The following ADARB2 variants were observed in gnomAD, a reference collection of about 807,000 sequenced individuals.
The protein encoded by ADARB2 is inactive double-stranded RNA-specific editase B2.
Under a neutral mutation model 62.2 loss-of-function variants are expected in ADARB2, and 25 were observed. The ratio of observed to expected loss-of-function variants is 0.40; its 90% confidence interval spans 0.29 to 0.56. The LOEUF (loss-of-function observed/expected upper bound fraction) is 0.56, where lower values mean the gene tolerates loss of function less well. ADARB2 is among the 20% of genes least tolerant of loss of function. The pLI, the probability that ADARB2 is intolerant of heterozygous loss-of-function variation, is 0.43. For synonymous variants in ADARB2, 572 were observed against 500.8 expected, an observed-to-expected ratio of 1.14 and a Z score of -1.90; for missense variants, 1,071 against 1,077.4, an observed-to-expected ratio of 0.99 and a Z score of 0.08.
At chr10:1,437,966 C>T (rs1248137751) in intron 1 of ADARB2, among the ~76,000 whole-genome samples, 6 of 152,232 alleles carry the variant, frequency 3.9e-5, no homozygotes, top group Admixed American at 3.3e-4. Flanking sequence ...AACATTATGC[C>T]AGCTGGCATG....
intron 1 of ADARB2, among the ~76,000 whole-genome samples, chr10:1,611,266 C>T (rs1384254804): frequency 1.3e-5 from 2 of 152,194 alleles, no homozygotes; most frequent in East Asian, 3.9e-4. Context: ...TTCTCCTGGA[C>T]CTTCAGTGTG....
At chr10:1,564,976 G>A (rs549466779) in intron 1 of ADARB2, among the ~76,000 whole-genome samples, 53 of 152,300 alleles carry the variant, frequency 3.5e-4, no homozygotes, top group African/African-American at 1.2e-3. Context: ...GGCCTCGGCC[G>A]TAGACCTGCA....
Position 1,656,531 on chromosome 10 carries a change from G to GGAGA in ADARB2, c.100+80516_100+80519dup, listed in dbSNP as rs35967442. Among the ~76,000 whole-genome samples, 171 of 150,282 alleles carry GGAGA rather than the reference G, an allele frequency of 1.1e-3. 1 individual carries two copies. Among genetic ancestry groups the GGAGA allele is most frequent in the Middle Eastern group, 7.0e-3 (2 of 286 alleles). On this transcript the variant is annotated intron_variant, in intron 1 of 9. Coordinates refer to ENST00000381312, the MANE Select transcript of ADARB2 (RefSeq NM_018702.4). ...GAGAGAGAGGGAAAGAGAGAAAAAG[G>GGAGA]GAGAGAGAGAGAGAGAGAGCTGCTA...
intron 1 of ADARB2, among the ~76,000 whole-genome samples, chr10:1,621,641 C>T (rs1254005483): frequency 6.6e-6 from 1 of 152,006 alleles, no homozygotes; most frequent in African/African-American, 2.4e-5. Context: ...TTAACAGCAA[C>T]AACAACAACA....
intron 1 of ADARB2, among the ~76,000 whole-genome samples, chr10:1,691,062 T>C (rs1383079450): frequency 6.6e-6 from 1 of 152,182 alleles, no homozygotes; most frequent in Non-Finnish European, 1.5e-5. Flanking sequence ...GCTGAATCCC[T>C]AATCCCCAGG....
At chr10:1,279,961 G>A (rs1225576160) in intron 3 of ADARB2, among the ~76,000 whole-genome samples, 1 of 152,188 alleles carries the variant, frequency 6.6e-6, no homozygotes, top group African/African-American at 2.4e-5. Context: ...GCTGGAATGA[G>A]CTAAGACTTC....
intron 6 of ADARB2, among the ~76,000 whole-genome samples, chr10:1,227,906 G>A (rs1469707096): frequency 3.3e-5 from 5 of 152,216 alleles, no homozygotes; most frequent in African/African-American, 7.2e-5. Flanking sequence ...ATGTGTCCAC[G>A]TGGGTGCACT....
At chr10:1,602,274 G>T (rs1018523726) in intron 1 of ADARB2, among the ~76,000 whole-genome samples, 2 of 152,260 alleles carry the variant, frequency 1.3e-5, no homozygotes, top group South Asian at 4.1e-4. Context: ...GCTTCCCGAG[G>T]TTCCTTCTGT....
intron 1 of ADARB2, among the ~76,000 whole-genome samples, chr10:1,667,538 GGCAATTTTTCCATCTCC>G (rs1834329467): frequency 1.3e-5 from 2 of 152,176 alleles, no homozygotes; most frequent in Non-Finnish European, 2.9e-5. Context: ...ATGTGGACTA[GGCAATTTTTCCATCTCC>G]AGTGGAACTG....
intron 1 of ADARB2, among the ~76,000 whole-genome samples, chr10:1,503,466 G>A (rs932063067): frequency 1.3e-5 from 2 of 151,956 alleles, no homozygotes; most frequent in Non-Finnish European, 2.9e-5. Flanking sequence ...TCACAGGGAA[G>A]CACAAAAGCA....
intron 1 of ADARB2, among the ~76,000 whole-genome samples, chr10:1,572,727 AGAG>A (rs1832957770): frequency 6.6e-6 from 1 of 152,214 alleles, no homozygotes; most frequent in Non-Finnish European, 1.5e-5. Flanking sequence ...AGGGCAGTGA[AGAG>A]GAGGTCACTG....
intron 1 of ADARB2, among the ~76,000 whole-genome samples, chr10:1,643,449 C>T (rs1168263103): frequency 1.3e-5 from 2 of 152,218 alleles, no homozygotes; most frequent in Non-Finnish European, 2.9e-5. Flanking sequence ...AGAGGCCACT[C>T]TTAGGTCAGG....
At chr10:1,658,418 C>G (rs191017025) in intron 1 of ADARB2, among the ~76,000 whole-genome samples, 15 of 152,104 alleles carry the variant, frequency 9.9e-5, no homozygotes, top group Admixed American at 9.2e-4. Flanking sequence ...CTGATACTGT[C>G]TCTGTCTGAT....
At chr10:1,600,329 A>T (rs760951933) in intron 1 of ADARB2, among the ~76,000 whole-genome samples, 4 of 152,058 alleles carry the variant, frequency 2.6e-5, no homozygotes, top group Admixed American at 1.3e-4. Flanking sequence ...CCCGGGTCCA[A>T]TCCTATTGTT....
chr10:1,529,935 G>GACCCACCCATTGCTCCCGCCACCGCAGGC (rs1554768840), intron 1 of ADARB2, among the ~76,000 whole-genome samples: 88 of 149,758 alleles, frequency 5.9e-4, no homozygotes, highest in Admixed American at 8.6e-4. Flanking sequence ...CCACTGCAGG[G>GACCCACCCATTGCTCCCGCCACCGCAGGC]ACCCATTCAC....
chr10:1,719,654 C>A (rs1046665308), intron 1 of ADARB2, among the ~76,000 whole-genome samples: 8 of 152,124 alleles, frequency 5.3e-5, no homozygotes, highest in Non-Finnish European at 1.0e-4. Flanking sequence ...ATGTATCTGA[C>A]AAAGGTTCAG....
At chr10:1,734,586 T>C (rs969432480) in intron 1 of ADARB2, among the ~76,000 whole-genome samples, 9 of 152,192 alleles carry the variant, frequency 5.9e-5, no homozygotes, top group African/African-American at 1.9e-4. Flanking sequence ...TCTTCAAAAA[T>C]GATTCTTGTC....
chr10:1,516,710 G>T (rs1299924091), intron 1 of ADARB2, among the ~76,000 whole-genome samples: 2 of 152,252 alleles, frequency 1.3e-5, no homozygotes, highest in Non-Finnish European at 2.9e-5. Context: ...GCTCCCCGCG[G>T]AGGCCCCGTG....
chr10:1,454,661 G>A (rs1337380128), intron 1 of ADARB2, among the ~76,000 whole-genome samples: 1 of 152,054 alleles, frequency 6.6e-6, no homozygotes, highest in South Asian at 2.1e-4. Context: ...GAGGGTGGTT[G>A]CTGGGGCCGG....
Sources: gnomAD v4.1 joint callset for allele counts (sites outside exome capture counted in the v4.1 genomes callset) on GRCh38, gnomAD v4.1.1 for gene constraint, MANE v1.5 for transcripts, NCBI Gene and HGNC (gene_info 2026-07-23, HGNC 2026-07-21) for gene names.